Variants in SYNGR4 observed in about 807,000 individuals in gnomAD.
The protein encoded by SYNGR4 is synaptogyrin 4.
A neutral mutation model predicts 15.5 loss-of-function variants in SYNGR4; 15 were observed. The observed-to-expected ratio is 0.97, with a 90% CI of 0.65 to 1.49. The LOEUF is 1.49. Among genes scored for constraint, SYNGR4 ranks in the 40% most tolerant of loss-of-function variants. The probability of loss-of-function intolerance (pLI) is 0.00; values close to 1 mark genes in which losing one functional copy is unlikely to be tolerated. For missense variants in SYNGR4, 292 were observed against 299.3 expected, an observed-to-expected ratio of 0.98 and a Z score of 0.18; for synonymous variants, 121 against 127.4, an observed-to-expected ratio of 0.95 and a Z score of 0.34.
At position 48,373,513 on chromosome 19, in the gene SYNGR4, A is replaced by G; in HGVS notation, c.94-4A>G. 1 of 1,612,404 alleles carries G rather than the reference A, an allele frequency of 6.2e-7. No homozygotes were observed. The highest frequency in any genetic ancestry group is 8.5e-7 in the Non-Finnish European group (1 of 1,179,132). ...GCTCTTCTCTGGCCCCTGGAAATCCACAGGTCTTCTCCCTGATCGTCTTCT... is the reference window on the plus strand; with the variant it reads ...GCTCTTCTCTGGCCCCTGGAAATCCGCAGGTCTTCTCCCTGATCGTCTTCT... On this transcript the variant is annotated splice_region_variant and splice_polypyrimidine_tract_variant and intron_variant, in intron 2 of 4. Transcript: ENST00000344846.
chr19:48,364,809 C>T (rs1049686792), intron 1 of SYNGR4, among the ~76,000 whole-genome samples: 1 of 151,976 alleles, frequency 6.6e-6, no homozygotes, highest in Non-Finnish European at 1.5e-5. Context: ...GCCGCACCCC[C>T]TAGTCCCCAG....
intron 2 of SYNGR4, among the ~76,000 whole-genome samples, chr19:48,369,668 A>C (rs1264509796): frequency 6.6e-6 from 1 of 152,236 alleles, no homozygotes; most frequent in Non-Finnish European, 1.5e-5. Context: ...CACTCCACCA[A>C]AATGGCTTCG....
chr19:48,364,297 G>T, upstream of SYNGR4: 1 of 301,212 alleles, frequency 3.3e-6, no homozygotes, highest in Middle Eastern at 1.0e-3. Context: ...GGGAGGGGGC[G>T]GGACTTGGGC....
chr19:48,370,892 G>A (rs1161358568), intron 2 of SYNGR4, among the ~76,000 whole-genome samples: 2 of 152,022 alleles, frequency 1.3e-5, no homozygotes, highest in African/African-American at 4.8e-5. Flanking sequence ...GGGCCTCCCC[G>A]CCTCCTCTCA....
chr19:48,370,051 G>A (rs894765685), intron 2 of SYNGR4, among the ~76,000 whole-genome samples: 28 of 152,180 alleles, frequency 1.8e-4, no homozygotes, highest in African/African-American at 5.6e-4. Context: ...GAGGATGGAC[G>A]GAAGCTCAGG....
intron 2 of SYNGR4, among the ~76,000 whole-genome samples, chr19:48,368,670 G>A (rs541703851): frequency 1.3e-5 from 2 of 152,168 alleles, no homozygotes; most frequent in South Asian, 2.1e-4. Context: ...GTGAGCCACC[G>A]CACCCAGGCT....
At position 48,376,305 on chromosome 19, in the gene SYNGR4, T is replaced by C; in HGVS notation, c.692T>C (p.Met231Thr). Residue 231 changes from methionine to threonine, a missense_variant, in exon 5 of 5, where the codon ATG becomes ACG. Transcript: ENST00000344846. ...CCAAAGTCCCCCCGGCTTGCTATGA[T>C]GCCTGACAACTAAATATCCTTATCC... is the stretch of plus-strand genomic sequence containing the variant. Reference protein sequence around the residue: ...TAPKSPRLAMMPDN With the variant: ...TAPKSPRLAMTPDN 3 of 1,612,830 alleles carry C rather than the reference T, an allele frequency of 1.9e-6. No individual in the cohort carries two copies. Among genetic ancestry groups the C allele is most frequent in the Non-Finnish European group, 2.5e-6 (3 of 1,179,646 alleles).
chr19:48,365,611 A>C, intron 1 of SYNGR4, 125 bp from the exon 2 acceptor site: 57 of 513,804 alleles, frequency 1.1e-4, no homozygotes, highest in Middle Eastern at 5.3e-4. Flanking sequence ...CAGTCCCCTC[A>C]CCCCACACAA....
At chr19:48,375,532 A>G in intron 3 of SYNGR4, 81 bp from the exon 4 acceptor site, 2 of 1,530,860 alleles carry the variant, frequency 1.3e-6, no homozygotes, top group Non-Finnish European at 1.8e-6. Context: ...CAAGACCACC[A>G]GCCCCATCCT....
chr19:48,370,055 G>T (rs1970281125), intron 2 of SYNGR4, among the ~76,000 whole-genome samples: 1 of 152,212 alleles, frequency 6.6e-6, no homozygotes, highest in Admixed American at 6.5e-5. Flanking sequence ...ATGGACGGAA[G>T]CTCAGGAGTT....
At chr19:48,366,309 G>A (rs534145405) in intron 2 of SYNGR4, among the ~76,000 whole-genome samples, 8 of 150,816 alleles carry the variant, frequency 5.3e-5, no homozygotes, top group South Asian at 2.1e-4. Flanking sequence ...AGAATCACTC[G>A]AACCCGGGTG....
intron 3 of SYNGR4, among the ~76,000 whole-genome samples, chr19:48,374,076 CTTTTTTT>C (rs946583656): frequency 7.5e-6 from 1 of 132,742 alleles, no homozygotes; most frequent in Non-Finnish European, 1.6e-5. Context: ...GAAAATCTCT[CTTTTTTT>C]TTTTTTTTTT....
intron 2 of SYNGR4, among the ~76,000 whole-genome samples, chr19:48,366,655 C>T (rs1970226179): frequency 1.3e-5 from 2 of 152,062 alleles, no homozygotes; most frequent in Admixed American, 6.6e-5. Context: ...TTCTGCCCAC[C>T]TCAGCCTCCC....
chr19:48,375,799 G>A (rs1345964088), intron 4 of SYNGR4, 47 bp downstream of exon 4: 1 of 1,592,484 alleles, frequency 6.3e-7, no homozygotes, highest in Non-Finnish European at 8.6e-7. Context: ...GGCACCCTCT[G>A]CAGGGTGGGG....
intron 3 of SYNGR4, among the ~76,000 whole-genome samples, chr19:48,374,695 G>C (rs1472170886): frequency 6.6e-6 from 1 of 152,210 alleles, no homozygotes; most frequent in Admixed American, 6.5e-5. Flanking sequence ...GCAGCTGCTG[G>C]CCGGGGACGG....
In SYNGR4 at chr19:48,372,649, C is replaced by CA. The variant is rs994483718; in HGVS notation, c.94-857dup. On this transcript the variant is annotated intron_variant, in intron 2 of 4. Transcript: ENST00000344846. The stretch of plus-strand genomic sequence containing the variant: ...CTGGGTGACAGCCAGACTCTGTCTC[C>CA]AAAAAAAAAAACAGACGAGAGGGAC... 2.8e-3 allele frequency among the ~76,000 whole-genome samples: 365 copies of CA among 131,334 alleles called. 1 individual carries two copies. The highest frequency in any genetic ancestry group is 5.5e-3 in the African/African-American group (197 of 35,710). The allele number at this position is 131,334 out of a possible 152,430, so 86.2% of individuals were successfully genotyped here.
rs1408651948 is a variant in SYNGR4, at chr19:48,373,653, T to C, written c.230T>C (p.Phe77Ser). 26 of 1,613,644 alleles carry C rather than the reference T, an allele frequency of 1.6e-5. No individual in the cohort carries two copies. Among genetic ancestry groups the C allele is most frequent in the Non-Finnish European group, 2.2e-5 (26 of 1,180,002 alleles). The change falls in exon 3 of 5, where the codon TTC (phenylalanine) becomes TCC (serine). Residue 77 changes from phenylalanine to serine, a missense_variant. By Grantham distance (155) the Phe-to-Ser change is radical. Transcript: ENST00000344846. ...SFAVGAGFLA[F>S]LSCLAFLVLD... ...GCCGTGGGAGCCGGCTTCCTGGCCT[T>C]CCTCAGCTGCCTGGCCTTCCTCGTC... is the stretch of plus-strand genomic sequence containing the variant.
intron 2 of SYNGR4, among the ~76,000 whole-genome samples, chr19:48,371,586 T>TC (rs1304337323): frequency 6.6e-6 from 1 of 151,468 alleles, no homozygotes; most frequent in African/African-American, 2.4e-5. Flanking sequence ...TGATTTTTTT[T>TC]TTTTTTTTTG....
At chr19:48,373,387 C>T in intron 2 of SYNGR4, 130 bp from the exon 3 acceptor site, 2 of 775,312 alleles carry the variant, frequency 2.6e-6, no homozygotes, top group Non-Finnish European at 2.2e-6. Flanking sequence ...GACACTGTGA[C>T]AATGTCAAAG....
Sources: gnomAD v4.1 joint callset for allele counts (sites outside exome capture counted in the v4.1 genomes callset) on GRCh38, gnomAD v4.1.1 for gene constraint, MANE v1.5 for transcripts, NCBI Gene and HGNC (gene_info 2026-07-23, HGNC 2026-07-21) for gene names.